The following PAM variants were observed in gnomAD, a reference collection of about 807,000 sequenced individuals.
PAM encodes the protein peptidyl-glycine alpha-amidating monooxygenase.
A neutral mutation model predicts 122.1 loss-of-function variants in PAM; 72 were observed. The observed-to-expected ratio is 0.59, with a 90% CI of 0.49 to 0.72. The LOEUF (loss-of-function observed/expected upper bound fraction) is 0.72. Ranked by LOEUF, PAM falls within the 30% of genes least tolerant of loss-of-function variation. PAM has a pLI of 0.00. For missense variants in PAM, 1,106 were observed against 1,183.7 expected (o/e 0.93, Z 0.96); for synonymous variants, 389 against 404.4 (o/e 0.96, Z 0.46).
At chr5:103,019,027 ACCT>A (rs907035661) in intron 22 of PAM, among the ~76,000 whole-genome samples, 26 of 151,932 alleles carry the variant, frequency 1.7e-4, no homozygotes, top group African/African-American at 5.8e-4. Flanking sequence ...CCTGCCACTC[ACCT>A]CCTGCTGTGC....
chr5:103,015,913 C>T (rs1781849394), intron 21 of PAM, among the ~76,000 whole-genome samples: 1 of 152,132 alleles, frequency 6.6e-6, no homozygotes, highest in East Asian at 1.9e-4. Flanking sequence ...ACCTTTATTC[C>T]CCCATCATTA....
At chr5:102,922,703 T>G (rs1398700791) in intron 5 of PAM, among the ~76,000 whole-genome samples, 2 of 152,258 alleles carry the variant, frequency 1.3e-5, no homozygotes, top group Non-Finnish European at 2.9e-5. Context: ...AACAGTTATC[T>G]TGTTTAACCT....
intron 4 of PAM, among the ~76,000 whole-genome samples, chr5:102,911,949 G>A (rs1315911032): frequency 1.3e-5 from 2 of 151,748 alleles, no homozygotes; most frequent in African/African-American, 4.8e-5. Context: ...ATCCATCCTC[G>A]CAGCTTCAGG....
At chr5:102,959,342 C>T (rs1761797167) in intron 12 of PAM, among the ~76,000 whole-genome samples, 1 of 152,040 alleles carries the variant, frequency 6.6e-6, no homozygotes, top group South Asian at 2.1e-4. Flanking sequence ...ATTCTAGATT[C>T]ATCTGGCTGT....
intron 1 of PAM, among the ~76,000 whole-genome samples, chr5:102,772,284 T>C (rs1272956880): frequency 1.3e-5 from 2 of 152,162 alleles, no homozygotes; most frequent in Non-Finnish European, 2.9e-5. Flanking sequence ...TAATGTTTTC[T>C]ATAACCCTGC....
Position 102,984,208 on chromosome 5 carries a change from A to G in PAM, c.1484-6064A>G, listed in dbSNP as rs184763563. ...GGCTATACAAAACAACCAGAAAACA[A>G]TTAACAAAATGACAAAAATAAATCC... is the stretch of plus-strand genomic sequence containing the variant. On this transcript the variant is annotated intron_variant, in intron 15 of 25. Coordinates refer to ENST00000438793, the MANE Select transcript of PAM (RefSeq NM_001177306.2). 2.4e-3 allele frequency among the ~76,000 whole-genome samples: 359 copies of G among 152,294 alleles called. 3 individuals carry two copies. Among genetic ancestry groups the G allele is most frequent in the African/African-American group, 8.5e-3 (353 of 41,558 alleles).
chr5:103,011,591 A>C (rs1780654416), intron 21 of PAM, among the ~76,000 whole-genome samples: 2 of 152,198 alleles, frequency 1.3e-5, no homozygotes. Flanking sequence ...CAAATGACAG[A>C]GTCTTATTCT....
chr5:102,983,863 G>A (rs952976149), intron 15 of PAM, among the ~76,000 whole-genome samples: 5 of 152,086 alleles, frequency 3.3e-5, no homozygotes, highest in South Asian at 2.1e-4. Flanking sequence ...CTTACAGATC[G>A]GGAGACAGTG....
intron 7 of PAM, among the ~76,000 whole-genome samples, chr5:102,944,397 G>A (rs372322973): frequency 3.3e-5 from 5 of 151,930 alleles, no homozygotes; most frequent in African/African-American, 4.8e-5. Flanking sequence ...TTAACCTGGC[G>A]CCCAACCCAA....
chr5:102,880,274 C>T (rs1171025417), intron 3 of PAM, among the ~76,000 whole-genome samples: 6 of 150,736 alleles, frequency 4.0e-5, no homozygotes, highest in Non-Finnish European at 7.4e-5. Context: ...GAGTGAGAAT[C>T]TGTCTCAAGG....
At chr5:102,982,826 T>TA (rs1377903848) in intron 15 of PAM, among the ~76,000 whole-genome samples, 2 of 152,024 alleles carry the variant, frequency 1.3e-5, no homozygotes, top group Non-Finnish European at 2.9e-5. Context: ...AAAGGAAACA[T>TA]ACCTCTAATG....
intron 14 of PAM, among the ~76,000 whole-genome samples, chr5:102,963,159 G>T (rs1350960906): frequency 6.6e-6 from 1 of 151,760 alleles, no homozygotes; most frequent in African/African-American, 2.4e-5. Context: ...GGCTAGCATA[G>T]TCTGTGTATG....
rs1328261666 is a variant in PAM, at chr5:102,901,582, G to A, written c.268+169G>A. 2.0e-5 allele frequency among the ~76,000 whole-genome samples: 3 copies of A among 151,490 alleles called. No individual in the cohort carries two copies. In the East Asian group the frequency reaches 5.9e-4, roughly 30 times the overall value. The stretch of plus-strand genomic sequence containing the variant: ...ACAAACTAGAGAGAGCCACTGAGAG[G>A]CAAGATTATAAACTGTATCTGGAGA... On this transcript the variant is annotated intron_variant, in intron 4 of 25. Coordinates refer to ENST00000438793, the MANE Select transcript of PAM (RefSeq NM_001177306.2).
chr5:102,895,984 C>G (rs1345351243), intron 3 of PAM: 3 of 151,672 alleles, frequency 2.0e-5, no homozygotes, highest in Non-Finnish European at 3.0e-5. Flanking sequence ...AGATCGTCAG[C>G]ACTCCCTGTT....
At chr5:102,852,807 A>AATAGTAAACTTGATTACACATACAGCATT (rs1781657959) in intron 1 of PAM, among the ~76,000 whole-genome samples, 1 of 152,236 alleles carries the variant, frequency 6.6e-6, no homozygotes, top group East Asian at 1.9e-4. Flanking sequence ...TCAAGTAAAA[A>AATAGTAAACTTGATTACACATACAGCATT]ATAGTAAACT....
rs917618554 is a variant in PAM at position 103,029,356 on chromosome 5, T to C, written c.*291T>C. The C allele has an allele frequency of 3.2e-5, 8 of 249,998 alleles. No individual in the cohort carries two copies. The highest frequency in any genetic ancestry group is 5.3e-5 in the Non-Finnish European group (7 of 132,626). The allele number at this position is 249,998 out of a possible 1,614,324, so 15.5% of individuals were successfully genotyped here. On this transcript the variant is annotated 3_prime_UTR_variant, in exon 26 of 26. Coordinates refer to ENST00000438793, the MANE Select transcript of PAM (RefSeq NM_001177306.2). ...ATGGAAGATTTGCCCATTTACACTT[T>C]TGAGACTTTTTGGTGGATGTAAATA...
At chr5:102,973,781 T>C (rs1766662043) in intron 14 of PAM, among the ~76,000 whole-genome samples, 1 of 151,762 alleles carries the variant, frequency 6.6e-6, no homozygotes, top group Non-Finnish European at 1.5e-5. Flanking sequence ...ATTGATGATA[T>C]TTTATTTTAG....
At position 102,974,340 on chromosome 5, in the gene PAM, A is replaced by G. The variant is rs1766902967; in HGVS notation, c.1387A>G (p.Arg463Gly). 1 of 1,613,982 alleles carries G rather than the reference A, an allele frequency of 6.2e-7. No homozygotes were observed. Among genetic ancestry groups the G allele is most frequent in the African/African-American group, 1.3e-5 (1 of 75,048 alleles). ...LVRDRIHKFH[R>G]LVSTLRPPES... ...CAGAGACAGAATTCACAAATTCCAC[A>G]GACTAGTATCTACCTTGAGGCCACC... is the stretch of plus-strand genomic sequence containing the variant. The change falls in exon 15 of 26, where the codon AGA becomes GGA. Residue 463 changes from arginine to glycine, a missense_variant. By Grantham distance (125) the Arg-to-Gly change is moderately radical (BLOSUM62 -2). Around this residue, in one of 3 missense-constraint regions of PAM, gnomAD observed 670 missense variants for 690.3 expected, o/e 0.97. Coordinates refer to ENST00000438793, the MANE Select transcript of PAM (RefSeq NM_001177306.2).
chr5:102,866,536 G>T, intron 2 of PAM: 1 of 498,100 alleles, frequency 2.0e-6, no homozygotes, highest in Non-Finnish European at 3.6e-6. Flanking sequence ...TCTGGGGGAG[G>T]TATTTCAGGA....
Sources: allele counts gnomAD v4.1 joint callset (sites outside exome capture counted in the v4.1 genomes callset), GRCh38; gene constraint gnomAD v4.1.1; regional missense constraint gnomAD v4.1.1; transcripts MANE v1.5; gene names NCBI Gene and HGNC (gene_info 2026-07-23, HGNC 2026-07-21).